SLC35H1: variants seen among roughly 807,000 people sequenced by gnomAD.
The protein encoded by SLC35H1 is ovarian cancer-overexpressed gene 1 protein.
the SLC35H1 span, chr20:46,355,900 A>G: frequency 6.2e-7 from 1 of 1,614,072 alleles, no homozygotes; most frequent in South Asian, 1.1e-5. This position sits in a 1 kb window ranked among gnomAD's most constrained non-coding sequence, Gnocchi z 4.8. Context: ...CCCACAATGC[A>G]CTGCTGGAGC....
At chr20:46,358,587 T>A in the SLC35H1 span, 2 of 1,606,094 alleles carry the variant, frequency 1.2e-6, no homozygotes, top group East Asian at 4.5e-5. Context: ...GAAGAGCCGG[T>A]GGAGTTAGAC....
At chr20:46,351,647 C>T in the SLC35H1 span, among the ~76,000 whole-genome samples, 2 of 152,272 alleles carry the variant, frequency 1.3e-5, no homozygotes, top group Non-Finnish European at 2.9e-5. Flanking sequence ...GCCAGTCAAT[C>T]ACGGAACTCT....
At chr20:46,357,820 G>GC in the SLC35H1 span, 7 of 1,603,290 alleles carry the variant, frequency 4.4e-6, no homozygotes, top group South Asian at 3.3e-5. Context: ...TAGACAGCCT[G>GC]CCCCCCACCG....
the SLC35H1 span, among the ~76,000 whole-genome samples, chr20:46,359,600 G>T: frequency 1.3e-5 from 2 of 152,326 alleles, no homozygotes; most frequent in Admixed American, 1.3e-4. Context: ...TGGAAGCAGA[G>T]CCTGCCTTAC....
chr20:46,350,677 G>C, the SLC35H1 span: 1 of 1,337,950 alleles, frequency 7.5e-7, no homozygotes. Context: ...CAGAGCCACC[G>C]GGCACACTTC....
the SLC35H1 span, among the ~76,000 whole-genome samples, chr20:46,356,098 G>C: frequency 2.5e-3 from 387 of 152,312 alleles, 9 homozygotes; most frequent in East Asian, 0.057. Context: ...CCTGAGTCCT[G>C]TTCTTTACCT....
the SLC35H1 span, chr20:46,348,601 C>A: frequency 6.6e-6 from 1 of 152,230 alleles, no homozygotes; most frequent in Non-Finnish European, 1.5e-5. Context: ...GCTCCACCTC[C>A]GCCTGCTGAG....
chr20:46,350,308 C>T, the SLC35H1 span: 170 of 1,479,620 alleles, frequency 1.1e-4, no homozygotes, highest in Non-Finnish European at 1.5e-4. Context: ...TCCCAGCTAC[C>T]ATGATGAGCC....
chr20:46,357,928 C>T, the SLC35H1 span, among the ~76,000 whole-genome samples: 5 of 152,084 alleles, frequency 3.3e-5, no homozygotes, highest in Admixed American at 6.5e-5. Flanking sequence ...ACGGTATCAT[C>T]GCTTGGAATG....
chr20:46,357,920 G>A, the SLC35H1 span: 59 of 813,940 alleles, frequency 7.2e-5, no homozygotes, highest in East Asian at 1.3e-3. Context: ...CCTTAGTTAC[G>A]GTATCATCGC....
chr20:46,357,761 G>A, the SLC35H1 span: 8 of 1,614,080 alleles, frequency 5.0e-6, no homozygotes, highest in Non-Finnish European at 6.8e-6. Flanking sequence ...ATGAAGAGGG[G>A]GAAATGGAAG....
chr20:46,350,445 C>T, the SLC35H1 span: 5 of 1,613,576 alleles, frequency 3.1e-6, no homozygotes, highest in African/African-American at 2.7e-5. Flanking sequence ...TGTCACCTTC[C>T]TCCCGCTGGC....
chr20:46,357,545 C>T, the SLC35H1 span: 93 of 1,512,656 alleles, frequency 6.1e-5, no homozygotes, highest in South Asian at 3.1e-4. Flanking sequence ...TCCAGACATG[C>T]GGGTGTCTCT....
the SLC35H1 span, among the ~76,000 whole-genome samples, chr20:46,357,079 C>CT: frequency 6.6e-6 from 1 of 152,192 alleles, no homozygotes; most frequent in African/African-American, 2.4e-5. Context: ...TCCTGAAACA[C>CT]TTTGAGTTCC....
At chr20:46,364,164 G>A in the SLC35H1 span, 1 of 152,316 alleles carries the variant, frequency 6.6e-6, no homozygotes, top group Admixed American at 6.5e-5. Flanking sequence ...CAGATGAGCC[G>A]GCGTCCGGCA....
the SLC35H1 span, chr20:46,352,108 C>T: frequency 6.2e-7 from 1 of 1,614,194 alleles, no homozygotes; most frequent in South Asian, 1.1e-5. Context: ...CCAGGAGGAA[C>T]TCAGAGAAGC....
chr20:46,354,854 T>G, the SLC35H1 span: 5 of 1,557,978 alleles, frequency 3.2e-6, 1 homozygote, highest in South Asian at 3.5e-5. Flanking sequence ...TGCACTGAGG[T>G]GCCCTTGAGA....
chr20:46,350,799 A>G, the SLC35H1 span: 6 of 1,614,120 alleles, frequency 3.7e-6, no homozygotes, highest in Non-Finnish European at 5.1e-6. Context: ...GTGGAGGGAT[A>G]TTCCCGAGAG....
the SLC35H1 span, chr20:46,348,260 G>T: frequency 3.3e-5 from 5 of 152,200 alleles, no homozygotes; most frequent in Admixed American, 6.5e-5. Context: ...CATGTGCGAG[G>T]TAAGGGCCCC....
Sources: allele counts gnomAD v4.1 joint callset (sites outside exome capture counted in the v4.1 genomes callset), GRCh38; gene constraint gnomAD v4.1.1; non-coding constraint Gnocchi (gnomAD v3.1); transcripts MANE v1.5; gene names NCBI Gene and HGNC (gene_info 2026-07-23, HGNC 2026-07-21).